Variants in SNX30 observed in about 807,000 individuals in gnomAD.
The protein encoded by SNX30 is sorting nexin family member 30, also known as sorting nexin-30.
In SNX30, 24 loss-of-function variants were observed where a neutral mutation model predicts 46.4. That is an observed-to-expected ratio of 0.52 (90% CI 0.37 to 0.73). SNX30 has a LOEUF of 0.73. SNX30 is among the 30% of genes least tolerant of loss of function. The pLI is 0.00. For missense variants in SNX30, 533 were observed against 555.7 expected, an observed-to-expected ratio of 0.96 and a Z score of 0.41; for synonymous variants, 189 against 211.5, an observed-to-expected ratio of 0.89 and a Z score of 0.92.
rs574558973 is a variant in SNX30 at position 112,794,103 on chromosome 9, C to CA, written c.157-10669dup. On this transcript the variant is annotated intron_variant, in intron 1 of 8. Coordinates refer to ENST00000374232, the MANE Select transcript of SNX30 (RefSeq NM_001012994.2). ...AGTGGGCTTAGCTTTAGTTTTACAA[C>CA]AAAATCAACAATCAAGAATATTCAG... is the stretch of plus-strand genomic sequence containing the variant. 5.0e-3 allele frequency among the ~76,000 whole-genome samples: 764 copies of CA among 152,240 alleles called. 3 individuals are homozygous for CA. Among genetic ancestry groups the CA allele is most frequent in the Non-Finnish European group, 8.2e-3 (561 of 68,020 alleles).
Position 112,804,802 on chromosome 9 carries a change from T to C in SNX30, c.183T>C (p.Thr61=), listed in dbSNP as rs1161096795. The change falls in exon 2 of 9, where the codon ACT becomes ACC. Residue 61 remains threonine, a synonymous_variant. Transcript: ENST00000374232. ...DKDLILPNGG[T]PAGTSSPASS... ...ATCTCATTTTGCCCAACGGTGGTAC[T>C]CCAGCAGGTACTTCAAGTCCAGCTT... The C allele has an allele frequency of 6.2e-7, 1 of 1,612,542 alleles. No homozygotes were observed. Among genetic ancestry groups the C allele is most frequent in the Non-Finnish European group, 8.5e-7 (1 of 1,179,072 alleles).
intron 2 of SNX30, among the ~76,000 whole-genome samples, chr9:112,814,742 A>G (rs1049312102): frequency 2.0e-5 from 3 of 152,228 alleles, no homozygotes; most frequent in Non-Finnish European, 2.9e-5. Context: ...ATAAATTGCT[A>G]TATTTCTGAA....
At chr9:112,772,669 T>C (rs1042335879) in intron 1 of SNX30, among the ~76,000 whole-genome samples, 3 of 152,088 alleles carry the variant, frequency 2.0e-5, no homozygotes, top group Non-Finnish European at 4.4e-5. Context: ...CAGTACTGAG[T>C]GTGAGTAGAA....
chr9:112,864,330 C>T lies in SNX30; in HGVS notation c.1185C>T (p.Asn395=), dbSNP rs777319706. ...DLKADMERWQ[N]NKRQDFRQLL... is the part of the protein sequence containing the mutation. Reference sequence around the variant, plus strand: ...AAGCTGACATGGAGAGGTGGCAGAACAACAAGAGGCAGGACTTCCGGCAGC... The same window carrying T: ...AAGCTGACATGGAGAGGTGGCAGAATAACAAGAGGCAGGACTTCCGGCAGC... Residue 395 remains asparagine, a synonymous_variant, in exon 8 of 9, where the codon AAC becomes AAT. Transcript: ENST00000374232. 3.1e-6 allele frequency: 5 copies of T among 1,614,126 alleles called. No individual in the cohort carries two copies. The highest frequency in any genetic ancestry group is 1.7e-6 in the Non-Finnish European group (2 of 1,180,026).
At chr9:112,851,257 G>C (rs766405013) in intron 7 of SNX30, among the ~76,000 whole-genome samples, 1 of 152,198 alleles carries the variant, frequency 6.6e-6, no homozygotes, top group Non-Finnish European at 1.5e-5. Context: ...GCCTAAATCA[G>C]TGCTTTCAAA....
Position 112,864,228 on chromosome 9 carries a change from G to C in SNX30, c.1102-19G>C. The C allele has an allele frequency of 6.2e-7, 1 of 1,613,182 alleles. No individual in the cohort carries two copies. Among genetic ancestry groups the C allele is most frequent in the Non-Finnish European group, 8.5e-7 (1 of 1,179,754 alleles). ...CCAGTTTTGTGTGCAGGGCACCCAT[G>C]TGTGCCTCCCTTTTCCAGGTACCGG... On this transcript the variant is annotated intron_variant, in intron 7 of 8. Transcript: ENST00000374232.
At chr9:112,807,496 T>A (rs1251330137) in intron 2 of SNX30, among the ~76,000 whole-genome samples, 1 of 152,206 alleles carries the variant, frequency 6.6e-6, no homozygotes, top group Non-Finnish European at 1.5e-5. Flanking sequence ...TGCTTACATA[T>A]ATTATTTCCT....
At chr9:112,805,688 C>G (rs1342080608) in intron 2 of SNX30, among the ~76,000 whole-genome samples, 1 of 152,156 alleles carries the variant, frequency 6.6e-6, no homozygotes, top group Non-Finnish European at 1.5e-5. Flanking sequence ...AGGCTGGTCT[C>G]GAACTCCTGA....
intron 1 of SNX30, among the ~76,000 whole-genome samples, chr9:112,766,423 G>A (rs1175373929): frequency 6.6e-6 from 1 of 151,998 alleles, no homozygotes; most frequent in African/African-American, 2.4e-5. Context: ...TGACATTTGA[G>A]GTTAATGGTA....
At chr9:112,751,624 C>G (rs567218401) in intron 1 of SNX30, among the ~76,000 whole-genome samples, 2 of 152,344 alleles carry the variant, frequency 1.3e-5, no homozygotes, top group African/African-American at 4.8e-5. Context: ...CTTCTTCCCC[C>G]TAGTCAGTCA....
chr9:112,753,257 A>G (rs1473007046), intron 1 of SNX30, among the ~76,000 whole-genome samples: 1 of 152,138 alleles, frequency 6.6e-6, no homozygotes, highest in Admixed American at 6.6e-5. Flanking sequence ...TTGGAAGACA[A>G]ATTCCCCGTA....
At chr9:112,812,845 C>T (rs1336343510) in intron 2 of SNX30, among the ~76,000 whole-genome samples, 3 of 152,036 alleles carry the variant, frequency 2.0e-5, no homozygotes, top group Non-Finnish European at 2.9e-5. Context: ...TGTATCCTCC[C>T]ATTTTCCCTT....
chr9:112,809,793 G>A (rs10733595), intron 2 of SNX30, among the ~76,000 whole-genome samples: 116,943 of 151,948 alleles, frequency 0.77, 45,398 homozygotes, highest in South Asian at 0.86. Flanking sequence ...AGAGAAGAGT[G>A]TTAGAATTCT....
chr9:112,870,320 T>C lies in SNX30; in HGVS notation c.*1477T>C, dbSNP rs1156660304. On this transcript the variant is annotated 3_prime_UTR_variant, in exon 9 of 9. Coordinates refer to ENST00000374232, the MANE Select transcript of SNX30 (RefSeq NM_001012994.2). ...TGAAACAGCTGTGTTAAGGCGCTGC[T>C]TCAGATGCAAGTTCACCTGGAAATA... 6.6e-6 allele frequency: 1 copy of C among 152,204 alleles called. No homozygotes were observed. The highest frequency in any genetic ancestry group is 2.4e-5 in the African/African-American group (1 of 41,448). 9.4% of individuals were successfully genotyped at this position (152,204 alleles called of 1,614,324 possible). A position where few individuals can be genotyped will look rare whatever the true frequency, so the allele number is the denominator to read the frequency against.
At chr9:112,858,353 C>T (rs1841169237) in intron 7 of SNX30, among the ~76,000 whole-genome samples, 1 of 151,890 alleles carries the variant, frequency 6.6e-6, no homozygotes, top group African/African-American at 2.4e-5. Flanking sequence ...CGCCTCTACT[C>T]CAGATAAAAA....
chr9:112,821,028 G>T (rs1009069649), intron 3 of SNX30, among the ~76,000 whole-genome samples: 2 of 152,038 alleles, frequency 1.3e-5, no homozygotes, highest in Non-Finnish European at 2.9e-5. Flanking sequence ...TCCCATTTTG[G>T]GGGGGGTGTA....
chr9:112,750,003 G>C (rs1259961426), upstream of SNX30, among the ~76,000 whole-genome samples: 1 of 152,236 alleles, frequency 6.6e-6, no homozygotes, highest in Non-Finnish European at 1.5e-5. Flanking sequence ...CACCACGCCA[G>C]CAAATAAAGC....
intron 1 of SNX30, among the ~76,000 whole-genome samples, chr9:112,773,041 C>T (rs1398089315): frequency 6.6e-6 from 1 of 152,098 alleles, no homozygotes; most frequent in East Asian, 1.9e-4. Context: ...GCATACTTAC[C>T]ACCTCTTGTT....
chr9:112,753,436 C>T (rs1043885630), intron 1 of SNX30, among the ~76,000 whole-genome samples: 33 of 152,102 alleles, frequency 2.2e-4, no homozygotes, highest in African/African-American at 7.5e-4. Flanking sequence ...CAGGCTGGAG[C>T]GCAGTGGCCT....
Sources: allele counts gnomAD v4.1 joint callset (sites outside exome capture counted in the v4.1 genomes callset), GRCh38; gene constraint gnomAD v4.1.1; transcripts MANE v1.5; gene names NCBI Gene and HGNC (gene_info 2026-07-23, HGNC 2026-07-21).